The following TMEM26 variants were observed in gnomAD, a reference collection of about 807,000 sequenced individuals.
The protein encoded by TMEM26 is transmembrane protein 26.
Under a neutral mutation model 28.8 loss-of-function variants are expected in TMEM26, and 38 were observed. That is an observed-to-expected ratio of 1.32 (90% CI 1.02 to 1.73). The LOEUF (loss-of-function observed/expected upper bound fraction) is 1.73. TMEM26 is among the 40% of genes most tolerant of loss of function. The pLI, the probability that TMEM26 is intolerant of heterozygous loss-of-function variation, is 0.00. For synonymous variants in TMEM26, 227 were observed against 182.9 expected (o/e 1.24, Z -1.95); for missense variants, 518 against 447.1 (o/e 1.16, Z -1.43).
chr10:61,441,028 A>G (rs1023266331), intron 1 of TMEM26, among the ~76,000 whole-genome samples: 3 of 152,122 alleles, frequency 2.0e-5, no homozygotes, highest in Admixed American at 2.0e-4. Context: ...GTTGCTGTAC[A>G]GTATTGTTTT....
At chr10:61,442,720 C>A (rs1840113433) in intron 1 of TMEM26, among the ~76,000 whole-genome samples, 1 of 152,116 alleles carries the variant, frequency 6.6e-6, no homozygotes. Context: ...TCATGATATT[C>A]TTTTCTAAGT....
At chr10:61,452,738 C>A (rs1840309657) in intron 1 of TMEM26, 153 bp downstream of exon 1, 2 of 964,608 alleles carry the variant, frequency 2.1e-6, no homozygotes, top group Non-Finnish European at 1.6e-6. Context: ...CCAAGAGATG[C>A]GCAAGCATCT....
chr10:61,418,187 T>C (rs1839685528), intron 4 of TMEM26, among the ~76,000 whole-genome samples: 4 of 150,608 alleles, frequency 2.7e-5, no homozygotes. Context: ...AGTAGCAGAG[T>C]TTTCAAGAAC....
chr10:61,415,758 T>C (rs1368804488), intron 4 of TMEM26, among the ~76,000 whole-genome samples: 2 of 152,068 alleles, frequency 1.3e-5, no homozygotes, highest in Non-Finnish European at 2.9e-5. Flanking sequence ...CCTGAAATAT[T>C]ATGTGTGATG....
At chr10:61,421,739 C>A (rs564546167) in intron 4 of TMEM26, among the ~76,000 whole-genome samples, 1 of 152,170 alleles carries the variant, frequency 6.6e-6, no homozygotes, top group Non-Finnish European at 1.5e-5. Context: ...GAACCAGCAT[C>A]TTGGTTTTGG....
Position 61,453,056 on chromosome 10 carries a change from G to A in TMEM26, c.26C>T (p.Ala9Val). The A allele has an allele frequency of 1.2e-6, 2 of 1,613,538 alleles. No homozygotes were observed. The highest frequency in any genetic ancestry group is 1.3e-5 in the African/African-American group (1 of 75,032). Residue 9 changes from alanine (A) to valine (V), a missense_variant, in exon 1 of 6, where the codon GCC becomes GTC. Physicochemically the swap from Ala to Val is moderately conservative, Grantham distance 64 (BLOSUM62 0). Transcript: ENST00000399298. Reference protein sequence around the residue: MEGLVFLNALATRLLFLLH... With the variant: MEGLVFLNVLATRLLFLLH... ...CAGGAACAGCAACCGAGTGGCCAGG[G>A]CGTTAAGGAAGACCAGTCCCTCCAT...
At chr10:61,449,131 G>C (rs1840232561) in intron 1 of TMEM26, among the ~76,000 whole-genome samples, 1 of 152,132 alleles carries the variant, frequency 6.6e-6, no homozygotes, top group Non-Finnish European at 1.5e-5. Flanking sequence ...TAAATATGCA[G>C]GTGAAATAGA....
chr10:61,436,713 A>G (rs1015165325), intron 1 of TMEM26, among the ~76,000 whole-genome samples: 1 of 152,216 alleles, frequency 6.6e-6, no homozygotes, highest in Non-Finnish European at 1.5e-5. Flanking sequence ...TGATGCTGGA[A>G]CACAAAAATC....
At position 61,410,436 on chromosome 10, in the gene TMEM26, C is replaced by A. The variant is rs575398772; in HGVS notation, c.993G>T (p.Gln331His). 2 of 1,614,130 alleles carry A rather than the reference C, an allele frequency of 1.2e-6. No homozygotes were observed. Among genetic ancestry groups the A allele is most frequent in the East Asian group, 4.5e-5 (2 of 44,858 alleles). The stretch of plus-strand genomic sequence containing the variant: ...GCTGAGAGGGCCCACTCTCAGAGGT[C>A]TGTGCCCGGCAACCATGTTCTCCTT... ...GLKGEHGCRA[Q>H]TSESGPSQRD... is the part of the protein sequence containing the mutation. Residue 331 changes from glutamine (Q) to histidine (H), a missense_variant, in exon 6 of 6, where the codon CAG (glutamine) becomes CAT (histidine). By Grantham distance (24) the Gln-to-His change is conservative. Transcript: ENST00000399298.
intron 4 of TMEM26, among the ~76,000 whole-genome samples, chr10:61,423,708 G>T (rs116827586): frequency 1.1e-4 from 16 of 151,922 alleles, no homozygotes; most frequent in African/African-American, 3.1e-4. Context: ...GCCTAGACCC[G>T]GGCTAAAGGG....
chr10:61,419,397 A>G (rs1839706052), intron 4 of TMEM26, among the ~76,000 whole-genome samples: 1 of 152,164 alleles, frequency 6.6e-6, no homozygotes, highest in Non-Finnish European at 1.5e-5. Flanking sequence ...GGTTCAAAGA[A>G]TGAAAGAAAA....
At chr10:61,446,724 C>T (rs1161335395) in intron 1 of TMEM26, among the ~76,000 whole-genome samples, 3 of 139,254 alleles carry the variant, frequency 2.2e-5, no homozygotes, top group African/African-American at 8.0e-5. Context: ...CAGGCCAAGG[C>T]AGGGGAATCG....
At chr10:61,445,784 G>A (rs190408232) in intron 1 of TMEM26, among the ~76,000 whole-genome samples, 6 of 152,120 alleles carry the variant, frequency 3.9e-5, no homozygotes, top group Admixed American at 3.9e-4. Context: ...CAGGGTAGTG[G>A]GGAATATACA....
chr10:61,435,708 T>C (rs1170025432), intron 2 of TMEM26, among the ~76,000 whole-genome samples: 3 of 152,232 alleles, frequency 2.0e-5, no homozygotes, highest in African/African-American at 7.2e-5. Context: ...TAAGTTTAAT[T>C]GCATTTATAT....
intron 4 of TMEM26, among the ~76,000 whole-genome samples, chr10:61,421,776 A>G (rs1839752695): frequency 6.6e-6 from 1 of 152,110 alleles, no homozygotes; most frequent in African/African-American, 2.4e-5. Flanking sequence ...ACTGTGAGAG[A>G]AGAAGTTTCT....
At chr10:61,446,602 C>CCT (rs1840184667) in intron 1 of TMEM26, among the ~76,000 whole-genome samples, 1 of 151,830 alleles carries the variant, frequency 6.6e-6, no homozygotes, top group South Asian at 2.1e-4. Context: ...GGGCTGATCA[C>CCT]GAGGTCAGGA....
At chr10:61,434,148 T>C (rs1839965692) in intron 2 of TMEM26, among the ~76,000 whole-genome samples, 1 of 152,172 alleles carries the variant, frequency 6.6e-6, no homozygotes, top group Non-Finnish European at 1.5e-5. Context: ...CCAATACTTT[T>C]TTTCTCTCTT....
intron 4 of TMEM26, among the ~76,000 whole-genome samples, chr10:61,416,766 T>A (rs1486677954): frequency 1.3e-5 from 2 of 152,034 alleles, no homozygotes; most frequent in Non-Finnish European, 2.9e-5. Flanking sequence ...TACATAATTG[T>A]AGCAGTAGTA....
intron 1 of TMEM26, among the ~76,000 whole-genome samples, chr10:61,442,097 C>T (rs1840104393): frequency 6.6e-6 from 1 of 152,100 alleles, no homozygotes; most frequent in South Asian, 2.1e-4. Context: ...ATATTAGACA[C>T]TGCTCCAAGC....
Sources: gnomAD v4.1 joint callset for allele counts (sites outside exome capture counted in the v4.1 genomes callset) on GRCh38, gnomAD v4.1.1 for gene constraint, MANE v1.5 for transcripts, NCBI Gene and HGNC (gene_info 2026-07-23, HGNC 2026-07-21) for gene names.